Variants in THUMPD2 observed in about 807,000 individuals in gnomAD.
THUMPD2 encodes THUMP domain 2 tRNA and snRNA guanosine methyltransferase, also known as U6 snRNA (guanine-N(2))-methyltransferase THUMPD2.
Under a neutral mutation model 49.4 loss-of-function variants are expected in THUMPD2, and 56 were observed. The observed-to-expected ratio is 1.13, with a 90% CI of 0.91 to 1.41. The LOEUF (loss-of-function observed/expected upper bound fraction) is 1.41, where lower values mean the gene tolerates loss of function less well. Ranked by LOEUF, THUMPD2 falls within the 40% of genes most tolerant of loss-of-function variation. THUMPD2 has a pLI of 0.00. For missense variants in THUMPD2, 709 were observed against 594.5 expected, an observed-to-expected ratio of 1.19 and a Z score of -2.00; for synonymous variants, 237 against 205.2, an observed-to-expected ratio of 1.15 and a Z score of -1.32.
chr2:39,760,306 G>C (rs901988425), intron 6 of THUMPD2, among the ~76,000 whole-genome samples: 2 of 152,094 alleles, frequency 1.3e-5, no homozygotes, highest in African/African-American at 4.8e-5. Context: ...GGTAAAAACG[G>C]TGTGTCTTGG....
intron 1 of THUMPD2, among the ~76,000 whole-genome samples, chr2:39,773,347 T>A (rs727376): frequency 6.6e-6 from 1 of 151,540 alleles, no homozygotes; most frequent in Non-Finnish European, 1.5e-5. Flanking sequence ...TTACTGAAAA[T>A]GTATGATTTT....
chr2:39,739,279 G>A (rs1012133527), intron 9 of THUMPD2, among the ~76,000 whole-genome samples: 1 of 152,106 alleles, frequency 6.6e-6, no homozygotes, highest in Non-Finnish European at 1.5e-5. Context: ...GTCACTGCCT[G>A]CTTTCTTTGC....
intron 8 of THUMPD2, among the ~76,000 whole-genome samples, chr2:39,751,920 C>T (rs1357605516): frequency 6.6e-6 from 1 of 152,074 alleles, no homozygotes; most frequent in Non-Finnish European, 1.5e-5. Context: ...TTCTTGAGCT[C>T]AACTGATCTG....
At position 39,767,603 on chromosome 2, in the gene THUMPD2, C is replaced by CAAAAAAAAAAAAAAA. The variant is rs57906396; in HGVS notation, c.750+806_750+820dup. 1.8e-3 allele frequency among the ~76,000 whole-genome samples: 119 copies of CAAAAAAAAAAAAAAA among 67,760 alleles called. 1 individual carries two copies. The highest frequency in any genetic ancestry group is 8.8e-3 in the African/African-American group (113 of 12,900). 44.5% of individuals were successfully genotyped at this position (67,760 alleles called of 152,430 possible). On this transcript the variant is annotated intron_variant, in intron 4 of 9. Coordinates refer to ENST00000505747, the MANE Select transcript of THUMPD2 (RefSeq NM_025264.5). Reference sequence around the variant, plus strand: ...TGGGCGACAGAGCGAGACTCCGTCTCAAAAAAAAAAAAAAAAAAAGAATTG... The same window carrying CAAAAAAAAAAAAAAA: ...TGGGCGACAGAGCGAGACTCCGTCTCAAAAAAAAAAAAAAAAAAAAAAAAAAAAAAAAAAGAATTG...
At chr2:39,737,085 G>GCTAT (rs772393242) in intron 9 of THUMPD2, 26 bp from the exon 10 acceptor site, 3 of 1,563,396 alleles carry the variant, frequency 1.9e-6, no homozygotes, top group East Asian at 2.3e-5. Flanking sequence ...AATGGTAATT[G>GCTAT]CTATCTTTCT....
At chr2:39,741,997 T>A (rs770417940) in intron 9 of THUMPD2, among the ~76,000 whole-genome samples, 1 of 152,168 alleles carries the variant, frequency 6.6e-6, no homozygotes, top group Non-Finnish European at 1.5e-5. Flanking sequence ...AGCACTGTTG[T>A]AAGAGCTTTA....
intron 5 of THUMPD2, 29 bp downstream of exon 5, chr2:39,766,028 G>A (rs556022182): frequency 1.2e-5 from 19 of 1,549,124 alleles, no homozygotes; most frequent in Non-Finnish European, 1.4e-5. Context: ...TCTGTCTTAT[G>A]GGACAAACCG....
At chr2:39,748,790 A>T (rs552464003) in intron 8 of THUMPD2, among the ~76,000 whole-genome samples, 2 of 152,216 alleles carry the variant, frequency 1.3e-5, no homozygotes, top group African/African-American at 4.8e-5. Flanking sequence ...AACCTGGGCA[A>T]TACAGTGAGA....
chr2:39,774,289 T>C (rs1218478998), intron 1 of THUMPD2, among the ~76,000 whole-genome samples: 1 of 152,266 alleles, frequency 6.6e-6, no homozygotes, highest in South Asian at 2.1e-4. Context: ...ATGTATAGAT[T>C]ACATTTATTT....
At chr2:39,761,215 G>T in intron 6 of THUMPD2, 116 bp downstream of exon 6, 1 of 888,156 alleles carries the variant, frequency 1.1e-6, no homozygotes. Context: ...AGAAGTTAAA[G>T]AAAAAGCGTC....
At chr2:39,761,654 T>C (rs766522236) in intron 5 of THUMPD2, among the ~76,000 whole-genome samples, 3 of 152,208 alleles carry the variant, frequency 2.0e-5, no homozygotes, top group Non-Finnish European at 4.4e-5. Flanking sequence ...AACTGAAATT[T>C]ACACTCTCAC....
chr2:39,744,227 T>A (rs572561207), intron 9 of THUMPD2, 143 bp downstream of exon 9: 83 of 496,318 alleles, frequency 1.7e-4, no homozygotes, highest in Non-Finnish European at 2.9e-4. Flanking sequence ...TATAAACTTC[T>A]GACTTAAAAC....
intron 8 of THUMPD2, among the ~76,000 whole-genome samples, chr2:39,748,428 T>C (rs1304047511): frequency 1.3e-5 from 2 of 152,120 alleles, no homozygotes; most frequent in East Asian, 3.9e-4. Context: ...GAAGGCCGGG[T>C]ACGGTGGTTC....
intron 8 of THUMPD2, among the ~76,000 whole-genome samples, chr2:39,750,693 C>A (rs2148230026): frequency 7.1e-6 from 1 of 141,244 alleles, no homozygotes; most frequent in East Asian, 2.1e-4. Context: ...GGCAACAGGG[C>A]AAGACTGTTT....
At chr2:39,745,925 C>A (rs1287456883) in intron 8 of THUMPD2, among the ~76,000 whole-genome samples, 1 of 152,130 alleles carries the variant, frequency 6.6e-6, no homozygotes, top group Admixed American at 6.5e-5. Flanking sequence ...TGGAGTCAGA[C>A]AGCTTGCATT....
intron 9 of THUMPD2, among the ~76,000 whole-genome samples, chr2:39,738,035 C>A (rs1673362392): frequency 6.6e-6 from 1 of 152,022 alleles, no homozygotes; most frequent in Non-Finnish European, 1.5e-5. Context: ...AAAGACCAGG[C>A]CTTGAGGTAA....
At chr2:39,768,596 A>T (rs1050241550) in intron 3 of THUMPD2, 95 bp from the exon 4 acceptor site, 6 of 1,000,330 alleles carry the variant, frequency 6.0e-6, no homozygotes, top group Non-Finnish European at 9.1e-6. Flanking sequence ...TAAGAAAATC[A>T]AGTCAGGCTA....
chr2:39,767,850 A>C (rs1045330064), intron 4 of THUMPD2, among the ~76,000 whole-genome samples: 1 of 152,314 alleles, frequency 6.6e-6, no homozygotes, highest in African/African-American at 2.4e-5. Flanking sequence ...AAATAAATTT[A>C]TGAATTAATG....
In THUMPD2 at chr2:39,769,856, C is replaced by A. The variant is rs372180419; in HGVS notation, c.526G>T (p.Asp176Tyr). ...AACTTTTCGCTTTTAGTGGTAAAAT[C>A]TCTTTGCTCCAGAGTTTCTTCTTTT... Reference protein sequence around the residue: ...QIKEETLEQRDFTTKSEKFQE... With the variant: ...QIKEETLEQRYFTTKSEKFQE... Residue 176 changes from aspartate to tyrosine, a missense_variant, in exon 3 of 10, where the codon GAT becomes TAT. Physicochemically the swap from Asp to Tyr is radical, Grantham distance 160 (BLOSUM62 -3). Coordinates refer to ENST00000505747, the MANE Select transcript of THUMPD2 (RefSeq NM_025264.5). The A allele has an allele frequency of 8.0e-4, 1,283 of 1,611,704 alleles. 18 individuals carry two copies. In the South Asian group the frequency reaches 0.013, roughly 16 times the overall value.
Sources: gnomAD v4.1 joint callset for allele counts (sites outside exome capture counted in the v4.1 genomes callset) on GRCh38, gnomAD v4.1.1 for gene constraint, MANE v1.5 for transcripts, NCBI Gene and HGNC (gene_info 2026-07-23, HGNC 2026-07-21) for gene names.